GYS2: variants seen among roughly 807,000 people sequenced by gnomAD.
The protein encoded by GYS2 is glycogen synthase 2.
In GYS2, 80 loss-of-function variants were observed where a neutral mutation model predicts 85.6. The observed-to-expected ratio is 0.93, with a 90% CI of 0.78 to 1.13. GYS2 has a LOEUF of 1.13. GYS2 is among the 50% of genes most tolerant of loss of function. The pLI is 0.00. For missense variants in GYS2, 881 were observed against 854.9 expected (o/e 1.03, Z -0.38); for synonymous variants, 328 against 300.7 (o/e 1.09, Z -0.94).
At chr12:21,551,877 A>C (rs955605459) in intron 11 of GYS2, among the ~76,000 whole-genome samples, 8 of 152,166 alleles carry the variant, frequency 5.3e-5, no homozygotes, top group Non-Finnish European at 1.0e-4. Flanking sequence ...TTTGAAAAGC[A>C]TTGTGTCTAC....
intron 11 of GYS2, among the ~76,000 whole-genome samples, chr12:21,554,872 A>T (rs1397245678): frequency 6.6e-6 from 1 of 152,192 alleles, no homozygotes. Context: ...CTTTTAAAAC[A>T]CGGATCAGCA....
chr12:21,540,961 C>T (rs575850094), intron 13 of GYS2, among the ~76,000 whole-genome samples: 1 of 152,180 alleles, frequency 6.6e-6, no homozygotes, highest in South Asian at 2.1e-4. Context: ...AGGAAAGAGC[C>T]ACAGTACACC....
intron 1 of GYS2, among the ~76,000 whole-genome samples, chr12:21,594,003 A>G (rs190234077): frequency 1.2e-4 from 19 of 152,340 alleles, no homozygotes; most frequent in Non-Finnish European, 2.6e-4. Flanking sequence ...CAAAAACCAT[A>G]TGATCATCTC....
chr12:21,543,417 G>A (rs555584895), intron 12 of GYS2, among the ~76,000 whole-genome samples: 1 of 152,176 alleles, frequency 6.6e-6, no homozygotes, highest in African/African-American at 2.4e-5. Context: ...AAGTGGGATG[G>A]GGACTATCAG....
At chr12:21,599,668 A>C (rs77460679) in intron 1 of GYS2, among the ~76,000 whole-genome samples, 3,438 of 152,294 alleles carry the variant, frequency 0.023, 139 homozygotes, top group African/African-American at 0.078. Flanking sequence ...TATCCACATC[A>C]GTAATTAGGG....
chr12:21,558,913 C>T (rs1478759403), intron 10 of GYS2, among the ~76,000 whole-genome samples, 178 bp downstream of exon 10: 1 of 151,974 alleles, frequency 6.6e-6, no homozygotes, highest in African/African-American at 2.4e-5. Flanking sequence ...TTTAAAGGAG[C>T]TCTTAAAACC....
chr12:21,550,757 A>G (rs1186895449), intron 11 of GYS2, among the ~76,000 whole-genome samples: 9 of 152,170 alleles, frequency 5.9e-5, no homozygotes, highest in South Asian at 2.1e-4. Context: ...CCTGGCCAAC[A>G]TGATGAAACC....
At chr12:21,533,936 C>T (rs540191213), downstream of GYS2, among the ~76,000 whole-genome samples, 1 of 152,250 alleles carries the variant, frequency 6.6e-6, no homozygotes, top group Non-Finnish European at 1.5e-5. Context: ...GCTGTGTCCT[C>T]ACGTGGTGGA....
chr12:21,558,804 CT>C (rs1342644366), intron 10 of GYS2, among the ~76,000 whole-genome samples: 1 of 152,016 alleles, frequency 6.6e-6, no homozygotes, highest in Non-Finnish European at 1.5e-5. Flanking sequence ...GTATTTAGGA[CT>C]TTTTTGTAGT....
chr12:21,565,431 A>ATATATG (rs1555156980), intron 5 of GYS2, among the ~76,000 whole-genome samples: 1 of 118,894 alleles, frequency 8.4e-6, no homozygotes. Context: ...ATATATATAT[A>ATATATG]TATGGATGTT....
rs1481378197 is a variant in GYS2 at position 21,546,373 on chromosome 12, G to A, written c.1520C>T (p.Ser507Leu). 3.7e-6 allele frequency: 6 copies of A among 1,602,068 alleles called. No individual in the cohort carries two copies. Among genetic ancestry groups the A allele is most frequent in the Non-Finnish European group, 5.1e-6 (6 of 1,169,568 alleles). The change falls in exon 12 of 16, where the codon TCA becomes TTA. Residue 507 changes from serine to leucine, a missense_variant. Physicochemically the swap from Ser to Leu is moderately radical, Grantham distance 145. Coordinates refer to ENST00000261195, the MANE Select transcript of GYS2 (RefSeq NM_021957.4). ...VRGCHLGVFP[S>L]YYEPWGYTPA... ...AGTATAACCCCAGGGTTCATAGTAT[G>A]ATGGAAATACTCCAAGATGACAACC...
chr12:21,590,075 A>C (rs1381800386), intron 1 of GYS2, among the ~76,000 whole-genome samples: 1 of 152,004 alleles, frequency 6.6e-6, no homozygotes, highest in African/African-American at 2.4e-5. Context: ...AGAAAATGCT[A>C]CCCCACTTGC....
chr12:21,540,625 A>G, intron 13 of GYS2, 52 bp from the exon 14 acceptor site: 1 of 1,490,458 alleles, frequency 6.7e-7, no homozygotes, highest in Non-Finnish European at 9.4e-7. Context: ...AACCTTAAAC[A>G]TTTGTTCTCC....
At chr12:21,603,135 C>G (rs1944771928) in intron 1 of GYS2, among the ~76,000 whole-genome samples, 1 of 152,050 alleles carries the variant, frequency 6.6e-6, no homozygotes, top group Non-Finnish European at 1.5e-5. Flanking sequence ...AACACATGCT[C>G]ATTTCAGGAT....
At chr12:21,574,357 A>T (rs1459672134) in intron 3 of GYS2, 31 bp from the exon 4 acceptor site, 1 of 1,557,058 alleles carries the variant, frequency 6.4e-7, no homozygotes, top group Admixed American at 1.7e-5. Flanking sequence ...CATTCAGAAA[A>T]GTTGTTGATG....
chr12:21,545,873 A>C (rs553723560), intron 12 of GYS2, among the ~76,000 whole-genome samples: 1 of 152,198 alleles, frequency 6.6e-6, no homozygotes, highest in Non-Finnish European at 1.5e-5. Flanking sequence ...TTCCCTAACC[A>C]TATGACTGTG....
downstream of GYS2, among the ~76,000 whole-genome samples, chr12:21,534,727 G>C (rs1186272931): frequency 6.6e-6 from 1 of 152,058 alleles, no homozygotes; most frequent in Non-Finnish European, 1.5e-5. Context: ...AATTTGGGGG[G>C]CACACAAACA....
chr12:21,541,704 T>A (rs1402786429), intron 13 of GYS2, among the ~76,000 whole-genome samples: 2 of 152,172 alleles, frequency 1.3e-5, no homozygotes, highest in Admixed American at 1.3e-4. Flanking sequence ...CTACTTTTTT[T>A]TCTCCACTTT....
chr12:21,557,760 A>G (rs1029867367), intron 11 of GYS2, among the ~76,000 whole-genome samples: 9 of 152,190 alleles, frequency 5.9e-5, no homozygotes, highest in East Asian at 5.8e-4. Flanking sequence ...TTAGCCGGGC[A>G]TGGTTGCGGG....
Sources: allele counts gnomAD v4.1 joint callset (sites outside exome capture counted in the v4.1 genomes callset), GRCh38; gene constraint gnomAD v4.1.1; transcripts MANE v1.5; gene names NCBI Gene and HGNC (gene_info 2026-07-23, HGNC 2026-07-21).